SLC26A7: variants seen among roughly 807,000 people sequenced by gnomAD.
SLC26A7 encodes the protein anion exchange transporter.
In SLC26A7, 59 loss-of-function variants were observed where a neutral mutation model predicts 82.5. The observed-to-expected ratio is 0.72, with a 90% CI of 0.58 to 0.89. The LOEUF (loss-of-function observed/expected upper bound fraction) is 0.89. SLC26A7 is among the 40% of genes least tolerant of loss of function. The pLI is 0.00. For missense variants in SLC26A7, 820 were observed against 793.0 expected, an observed-to-expected ratio of 1.03 and a Z score of -0.41; for synonymous variants, 271 against 274.3, an observed-to-expected ratio of 0.99 and a Z score of 0.12.
chr8:91,351,865 C>G lies in SLC26A7; in HGVS notation c.1196C>G (p.Pro399Arg). The part of the protein sequence containing the change: ...FVLIVIYAIG[P>R]LLYWLPMCVL... Reference sequence around the variant, plus strand: ...CTTATAGTCATCTATGCAATAGGACCTTTGCTTTACTGGCTGCCCATGGTA... The same window carrying G: ...CTTATAGTCATCTATGCAATAGGACGTTTGCTTTACTGGCTGCCCATGGTA... Residue 399 changes from proline to arginine, a missense_variant, in exon 10 of 19, where the codon CCT (proline) becomes CGT (arginine). Transcript: ENST00000276609. The G allele has an allele frequency of 6.2e-7, 1 of 1,611,950 alleles. No homozygotes were observed. Among genetic ancestry groups the G allele is most frequent in the Non-Finnish European group, 8.5e-7 (1 of 1,178,302 alleles).
At chr8:91,214,013 T>C (rs1809989200) in intron 1 of SLC26A7, among the ~76,000 whole-genome samples, 1 of 152,056 alleles carries the variant, frequency 6.6e-6, no homozygotes, top group South Asian at 2.1e-4. Context: ...CGGTGAGATA[T>C]ATATGTGTTC....
At chr8:91,228,183 G>T (rs1057398014) in intron 2 of SLC26A7, among the ~76,000 whole-genome samples, 1 of 152,254 alleles carries the variant, frequency 6.6e-6, no homozygotes, top group Non-Finnish European at 1.5e-5. Context: ...AGGGGCCAGA[G>T]AAATCACCTG....
At chr8:91,280,137 G>A (rs931528567) in intron 2 of SLC26A7, among the ~76,000 whole-genome samples, 7 of 151,812 alleles carry the variant, frequency 4.6e-5, no homozygotes, top group Admixed American at 1.3e-4. Flanking sequence ...TTCTTTTGTT[G>A]CCTATGTTTT....
Position 91,375,533 on chromosome 8 carries a change from C to T in SLC26A7, c.1675+5700C>T, listed in dbSNP as rs375353505. Among the ~76,000 whole-genome samples, 64 of 151,206 alleles carry T rather than the reference C, an allele frequency of 4.2e-4. No individual in the cohort carries two copies. The South Asian group carries it at 0.013, about 31-fold the overall frequency. The stretch of plus-strand genomic sequence containing the variant: ...TCTTGGCTGGCATTTTTTTTTTCTT[C>T]AAGAAGGCTAAAAACAGACCCCCAA... On this transcript the variant is annotated intron_variant, in intron 15 of 18. Coordinates refer to ENST00000276609, the MANE Select transcript of SLC26A7 (RefSeq NM_052832.4).
chr8:91,310,627 C>T (rs1381028269), intron 4 of SLC26A7, among the ~76,000 whole-genome samples: 1 of 152,124 alleles, frequency 6.6e-6, no homozygotes, highest in African/African-American at 2.4e-5. Flanking sequence ...TATTAAGGGG[C>T]AAAATGGCAG....
At chr8:91,265,881 TAGG>T (rs1811098761) in intron 2 of SLC26A7, among the ~76,000 whole-genome samples, 8 of 152,010 alleles carry the variant, frequency 5.3e-5, no homozygotes, top group African/African-American at 1.9e-4. Context: ...TCCCATTCTG[TAGG>T]TTGTCTCTTC....
intron 11 of SLC26A7, among the ~76,000 whole-genome samples, chr8:91,361,528 GT>G (rs1227440472): frequency 6.6e-6 from 1 of 152,110 alleles, no homozygotes; most frequent in African/African-American, 2.4e-5. Context: ...AAAAACGTTA[GT>G]TTACTGTTTG....
rs908589344 is a variant in SLC26A7 at position 91,362,432 on chromosome 8, T to C, written c.1394T>C (p.Ile465Thr). The change falls in exon 12 of 19, where the codon ATA becomes ACA. Residue 465 changes from isoleucine (I) to threonine (T), a missense_variant. Transcript: ENST00000276609. The part of the protein sequence containing the change: ...VGLLFGVVCT[I>T]AIVIGRFPRA... Reference sequence around the variant, plus strand: ...CTGCTGTTTGGTGTTGTTTGTACCATAGCTATAGTGATAGGACGCTTCCCA... The same window carrying C: ...CTGCTGTTTGGTGTTGTTTGTACCACAGCTATAGTGATAGGACGCTTCCCA... 4 of 1,613,120 alleles carry C rather than the reference T, an allele frequency of 2.5e-6. No individual in the cohort carries two copies. The highest frequency in any genetic ancestry group is 1.7e-5 in the Admixed American group (1 of 59,972).
intron 2 of SLC26A7, among the ~76,000 whole-genome samples, chr8:91,273,992 AG>A (rs2130738997): frequency 6.6e-6 from 1 of 152,346 alleles, no homozygotes; most frequent in South Asian, 2.1e-4. Flanking sequence ...AAGAACTGTC[AG>A]GAAGATCTCG....
intron 15 of SLC26A7, among the ~76,000 whole-genome samples, chr8:91,382,002 G>T (rs1814683527): frequency 1.3e-5 from 2 of 151,936 alleles, no homozygotes. Context: ...TCTATAGATA[G>T]AAAATACCCA....
At chr8:91,330,882 A>G (rs1813061223) in intron 5 of SLC26A7, among the ~76,000 whole-genome samples, 1 of 152,098 alleles carries the variant, frequency 6.6e-6, no homozygotes, top group Non-Finnish European at 1.5e-5. Context: ...TTTCAAAACA[A>G]ATATCACAGA....
intron 4 of SLC26A7, among the ~76,000 whole-genome samples, chr8:91,308,698 CTATT>C (rs1366617560): frequency 6.6e-6 from 1 of 152,092 alleles, no homozygotes; most frequent in Non-Finnish European, 1.5e-5. Context: ...CTATTCTCCC[CTATT>C]TATTTATTTA....
At chr8:91,211,616 A>ATAT (rs1554597817) in intron 1 of SLC26A7, among the ~76,000 whole-genome samples, 22 of 137,532 alleles carry the variant, frequency 1.6e-4, no homozygotes, top group South Asian at 6.6e-4. Flanking sequence ...ATATATATAT[A>ATAT]TTTTTTTTTT....
chr8:91,334,214 G>T, intron 5 of SLC26A7, 81 bp from the exon 6 acceptor site: 1 of 1,289,026 alleles, frequency 7.8e-7, no homozygotes, highest in South Asian at 1.5e-5. Flanking sequence ...AAACATCATT[G>T]AGTTTATTGG....
intron 9 of SLC26A7, among the ~76,000 whole-genome samples, chr8:91,343,749 C>CT (rs1813483670): frequency 1.3e-5 from 2 of 152,142 alleles, no homozygotes; most frequent in Admixed American, 1.3e-4. Flanking sequence ...GTGCCTCTCT[C>CT]TTTCTTTCTA....
intron 9 of SLC26A7, chr8:91,348,381 C>G (rs1238325633): frequency 1.0e-6 from 1 of 984,586 alleles, no homozygotes; most frequent in Non-Finnish European, 1.2e-6. Flanking sequence ...TCTCCCTCTA[C>G]TCCCAACGAA....
chr8:91,231,573 T>TTTTTCTTTTC (rs556033191), intron 2 of SLC26A7, among the ~76,000 whole-genome samples: 1 of 152,162 alleles, frequency 6.6e-6, no homozygotes, highest in Non-Finnish European at 1.5e-5. Context: ...TTCTTTTTTC[T>TTTTTCTTTTC]TTTTCTTTTC....
intron 2 of SLC26A7, among the ~76,000 whole-genome samples, chr8:91,288,397 G>C (rs1811767643): frequency 6.6e-6 from 1 of 152,176 alleles, no homozygotes; most frequent in Non-Finnish European, 1.5e-5. Flanking sequence ...GAAACCACCA[G>C]TGGTCATTTA....
At position 91,295,524 on chromosome 8, in the gene SLC26A7, G is replaced by T. The variant is rs966333431; in HGVS notation, c.305-7G>T. 5 of 1,608,254 alleles carry T rather than the reference G, an allele frequency of 3.1e-6. No homozygotes were observed. Among genetic ancestry groups the T allele is most frequent in the Non-Finnish European group, 4.2e-6 (5 of 1,176,834 alleles). On this transcript the variant is annotated splice_polypyrimidine_tract_variant and splice_region_variant and intron_variant, in intron 3 of 18. Coordinates refer to ENST00000276609, the MANE Select transcript of SLC26A7 (RefSeq NM_052832.4). ...AATAGAAGATTCCCCACACCACTTG[G>T]TTTCAGGCACCTTTGCCTTGACATC...
Sources: gnomAD v4.1 joint callset for allele counts (sites outside exome capture counted in the v4.1 genomes callset) on GRCh38, gnomAD v4.1.1 for gene constraint, MANE v1.5 for transcripts, NCBI Gene and HGNC (gene_info 2026-07-23, HGNC 2026-07-21) for gene names.